The following VWA8 variants were observed in gnomAD, a reference collection of about 807,000 sequenced individuals.
VWA8 encodes the protein von Willebrand factor A domain containing 8, also known as von Willebrand factor A domain-containing protein 8.
In VWA8, 221 loss-of-function variants were observed where a neutral mutation model predicts 241.5. That is an observed-to-expected ratio of 0.91 (90% CI 0.82 to 1.02). VWA8 has a LOEUF of 1.02. Among genes scored for constraint, VWA8 ranks in the 50% least tolerant of loss-of-function variants. The pLI is 0.00. For synonymous variants in VWA8, 852 were observed against 827.1 expected (o/e 1.03, Z -0.52); for missense variants, 2,322 against 2,328.7 (o/e 1.00, Z 0.06).
rs1873125487 is a variant in VWA8, at chr13:41,863,435, AT to A, written c.1425+2300del. Among the ~76,000 whole-genome samples the A allele has an allele frequency of 8.9e-5, 6 of 67,094 alleles. No individual in the cohort carries two copies. The South Asian group carries it at 1.4e-3, about 15-fold the overall frequency. 44.0% of individuals were successfully genotyped at this position (67,094 alleles called of 152,430 possible). ...TGTGTGTGTGTGTGTGTGTGTGTGT[AT>A]ATATATATATATATATATTCACACA... On this transcript the variant is annotated intron_variant, in intron 12 of 44. Coordinates refer to ENST00000379310, the MANE Select transcript of VWA8 (RefSeq NM_015058.2).
At chr13:41,766,852 C>G (rs149827877) in intron 20 of VWA8, among the ~76,000 whole-genome samples, 1 of 152,122 alleles carries the variant, frequency 6.6e-6, no homozygotes, top group Non-Finnish European at 1.5e-5. Flanking sequence ...ATGCCCTATT[C>G]GGGTCTCTTA....
chr13:41,638,794 G>C (rs2044775813), intron 37 of VWA8, among the ~76,000 whole-genome samples: 1 of 152,188 alleles, frequency 6.6e-6, no homozygotes. Context: ...TAGAATGATA[G>C]GAGGTGAGAT....
At chr13:41,719,277 G>T in intron 26 of VWA8, 1 of 925,110 alleles carries the variant, frequency 1.1e-6, no homozygotes, top group Non-Finnish European at 1.3e-6. Context: ...GTACAATGAT[G>T]TGCACTGGAT....
chr13:41,597,225 C>T (rs11840816), intron 40 of VWA8, among the ~76,000 whole-genome samples: 47,985 of 151,944 alleles, frequency 0.32, 8,331 homozygotes, highest in Non-Finnish European at 0.39. Flanking sequence ...TTTAACATCT[C>T]TTCATGCTCA....
intron 13 of VWA8, among the ~76,000 whole-genome samples, chr13:41,831,839 C>T (rs956132296): frequency 2.0e-5 from 3 of 151,904 alleles, no homozygotes; most frequent in Non-Finnish European, 4.4e-5. Flanking sequence ...AGGCTGGTCT[C>T]AAACTTCTGA....
At chr13:41,798,099 A>G (rs752940124) in intron 17 of VWA8, among the ~76,000 whole-genome samples, 6 of 152,160 alleles carry the variant, frequency 3.9e-5, no homozygotes, top group African/African-American at 7.2e-5. Flanking sequence ...AAATTATTCA[A>G]TACTTCTATT....
At chr13:41,583,806 T>C (rs1437330410) in intron 42 of VWA8, among the ~76,000 whole-genome samples, 1 of 152,074 alleles carries the variant, frequency 6.6e-6, no homozygotes, top group Non-Finnish European at 1.5e-5. Context: ...GTGTGAACTT[T>C]GGATCCTAGG....
chr13:41,577,679 A>G (rs1299369651), intron 42 of VWA8, among the ~76,000 whole-genome samples: 2 of 152,228 alleles, frequency 1.3e-5, no homozygotes, highest in Admixed American at 6.5e-5. Flanking sequence ...GGTTGCTTTC[A>G]TTATGGGCTG....
At chr13:41,719,548 C>T in intron 26 of VWA8, 43 bp downstream of exon 26, 2 of 1,607,180 alleles carry the variant, frequency 1.2e-6, no homozygotes, top group Non-Finnish European at 1.7e-6. Context: ...AAATCAAGAA[C>T]TATCAGCATT....
At chr13:41,842,741 C>A (rs1434764127) in intron 12 of VWA8, among the ~76,000 whole-genome samples, 1 of 152,148 alleles carries the variant, frequency 6.6e-6, no homozygotes, top group East Asian at 1.9e-4. Context: ...CAACCAAATA[C>A]CCTCATTTTA....
At chr13:41,880,741 A>G (rs920003481) in intron 9 of VWA8, among the ~76,000 whole-genome samples, 9 of 152,196 alleles carry the variant, frequency 5.9e-5, no homozygotes, top group Admixed American at 3.3e-4. Context: ...CTCTCAGCAA[A>G]AATTCCCCAG....
chr13:41,856,370 C>T (rs904173275), intron 12 of VWA8, among the ~76,000 whole-genome samples: 7 of 152,104 alleles, frequency 4.6e-5, no homozygotes, highest in African/African-American at 1.7e-4. Context: ...AAAATATTCA[C>T]AAGAAGACTA....
In VWA8 at chr13:41,885,408, G is replaced by A. The variant is rs529712035; in HGVS notation, c.975+512C>T. On this transcript the variant is annotated intron_variant, in intron 8 of 44. Coordinates refer to ENST00000379310, the MANE Select transcript of VWA8 (RefSeq NM_015058.2). ...CAGATCTGTTTGCATTCTCTCTTGTGCCTCCTAGCTTTCTCTTCCAACAGC... is the reference window on the plus strand; with the variant it reads ...CAGATCTGTTTGCATTCTCTCTTGTACCTCCTAGCTTTCTCTTCCAACAGC... Among the ~76,000 whole-genome samples the A allele has an allele frequency of 1.5e-4, 23 of 152,254 alleles. No individual in the cohort carries two copies. The South Asian group carries it at 4.8e-3, about 32-fold the overall frequency.
chr13:41,886,877 C>T, intron 6 of VWA8, 47 bp from the exon 7 acceptor site: 1 of 1,408,726 alleles, frequency 7.1e-7, no homozygotes, highest in Non-Finnish European at 9.8e-7. Flanking sequence ...AGAAATGTAA[C>T]AGATTAAATG....
chr13:41,646,142 T>G (rs957902553), intron 37 of VWA8, among the ~76,000 whole-genome samples: 2 of 152,068 alleles, frequency 1.3e-5, no homozygotes, highest in Non-Finnish European at 2.9e-5. Flanking sequence ...AATTTTGTAT[T>G]TTTAGTAGAG....
intron 24 of VWA8, among the ~76,000 whole-genome samples, chr13:41,721,856 A>G (rs1488789387): frequency 6.6e-6 from 1 of 152,182 alleles, no homozygotes; most frequent in Non-Finnish European, 1.5e-5. Flanking sequence ...AGAGGAAAAA[A>G]AATTCTCCTT....
In VWA8 at chr13:41,575,776, G is replaced by T; in HGVS notation, c.5334C>A (p.Ile1778=). 6.2e-7 allele frequency: 1 copy of T among 1,613,372 alleles called. No individual in the cohort carries two copies. Among genetic ancestry groups the T allele is most frequent in the African/African-American group, 1.3e-5 (1 of 75,022 alleles). The part of the protein sequence containing the change: ...YNIGLVPMNK[I]PKDNKQRLEI... ...CTAGTCTTTGCTTATTGTCCTTGGGGATTTTGTTCATTGGAACCAGACCAA... is the reference window on the plus strand; with the variant it reads ...CTAGTCTTTGCTTATTGTCCTTGGGTATTTTGTTCATTGGAACCAGACCAA... Residue 1778 remains isoleucine, a synonymous_variant, in exon 43 of 45, where the codon ATC becomes ATA. Coordinates refer to ENST00000379310, the MANE Select transcript of VWA8 (RefSeq NM_015058.2).
chr13:41,680,770 A>G (rs2045093392), intron 35 of VWA8, among the ~76,000 whole-genome samples: 1 of 152,224 alleles, frequency 6.6e-6, no homozygotes, highest in South Asian at 2.1e-4. Flanking sequence ...CTCAACATAT[A>G]CACAAGCAGA....
chr13:41,584,458 C>A (rs2044404010), intron 42 of VWA8, among the ~76,000 whole-genome samples: 2 of 152,096 alleles, frequency 1.3e-5, no homozygotes, highest in South Asian at 4.1e-4. Flanking sequence ...CCACCTTGTC[C>A]CTCCAGACAC....
Sources: gnomAD v4.1 joint callset for allele counts (sites outside exome capture counted in the v4.1 genomes callset) on GRCh38, gnomAD v4.1.1 for gene constraint, MANE v1.5 for transcripts, NCBI Gene and HGNC (gene_info 2026-07-23, HGNC 2026-07-21) for gene names.